Variants in INF2 observed in about 807,000 individuals in gnomAD.
INF2 encodes inverted formin 2.
Under a neutral mutation model 123.5 loss-of-function variants are expected in INF2, and 43 were observed. The observed-to-expected ratio is 0.35, with a 90% confidence interval of 0.27 to 0.45. The LOEUF is 0.45. INF2 is among the 20% of genes least tolerant of loss of function. INF2 has a pLI of 1.00. For missense variants in INF2, 1,453 were observed against 1,682.7 expected (o/e 0.86, Z 2.39); for synonymous variants, 851 against 745.0 (o/e 1.14, Z -2.32).
At chr14:104,713,152 T>A (rs1890131825) in intron 18 of INF2, 55 bp from the exon 19 acceptor site, 2 of 1,585,742 alleles carry the variant, frequency 1.3e-6, no homozygotes, top group South Asian at 1.1e-5. Flanking sequence ...CCCAGGCCCA[T>A]GGAGCCCCTG....
At chr14:104,701,801 C>T in intron 2 of INF2, 45 bp downstream of exon 2, 1 of 1,447,928 alleles carries the variant, frequency 6.9e-7, no homozygotes, top group Non-Finnish European at 9.1e-7. Context: ...CGCTGGGGAC[C>T]TGGTATGAGG....
chr14:104,706,070 A>T lies in INF2; in HGVS notation c.737A>T (p.Glu246Val). Residue 246 changes from glutamate to valine, a missense_variant, in exon 6 of 23, where the codon GAG becomes GTG. Around this residue, in one of 8 missense-constraint regions of INF2, gnomAD observed 251 missense variants for 349.4 expected, o/e 0.72. Coordinates refer to ENST00000392634, the MANE Select transcript of INF2 (RefSeq NM_022489.4). ...GATGCCGACCTGCTGATCCAGCTGG[A>T]GGCTTTCGAGGAGGCTAAGGCCGAG... ...LEDADLLIQL[E>V]AFEEAKAEDE... The T allele has an allele frequency of 6.2e-7, 1 of 1,612,532 alleles. No homozygotes were observed. Among genetic ancestry groups the T allele is most frequent in the Non-Finnish European group, 8.5e-7 (1 of 1,179,712 alleles).
chr14:104,703,825 G>A (rs1241691619), intron 4 of INF2, 91 bp from the exon 5 acceptor site: 1 of 1,601,620 alleles, frequency 6.2e-7, no homozygotes, highest in Non-Finnish European at 8.5e-7. Flanking sequence ...GAGTGCAGCA[G>A]GGCAGGGTCA....
At chr14:104,696,109 T>C (rs573496037) in intron 1 of INF2, among the ~76,000 whole-genome samples, 1 of 152,322 alleles carries the variant, frequency 6.6e-6, no homozygotes, top group South Asian at 2.1e-4. Flanking sequence ...TTCCCATCTT[T>C]GTCTTCTGAT....
intron 1 of INF2, among the ~76,000 whole-genome samples, chr14:104,683,365 A>G (rs4994392): frequency 0.16 from 16,020 of 102,556 alleles, 783 homozygotes; most frequent in East Asian, 0.26. Flanking sequence ...CCAAGAGCCT[A>G]GCTCCCCTGG....
intron 1 of INF2, among the ~76,000 whole-genome samples, chr14:104,695,426 AC>A (rs1298764059): frequency 6.6e-6 from 1 of 151,906 alleles, no homozygotes; most frequent in African/African-American, 2.4e-5. Context: ...TGCAGTGGAG[AC>A]ACTGTGGCCT....
intron 22 of INF2, chr14:104,715,756 T>C (rs1255013709): frequency 2.0e-6 from 1 of 495,466 alleles, no homozygotes; most frequent in Admixed American, 2.3e-5. Flanking sequence ...GTGGCTTTCC[T>C]GCTCTGTCTG....
chr14:104,682,482 A>G (rs1355888682), intron 1 of INF2, among the ~76,000 whole-genome samples: 1 of 152,294 alleles, frequency 6.6e-6, no homozygotes, highest in East Asian at 1.9e-4. Flanking sequence ...GGGCAGGGCC[A>G]GGAGGCGGGA....
At chr14:104,711,271 T>C (rs1310037016) in intron 15 of INF2, 85 bp downstream of exon 15, 7 of 1,160,312 alleles carry the variant, frequency 6.0e-6, no homozygotes, top group African/African-American at 1.5e-5. Context: ...CATACCCCCA[T>C]GCCCACCACT....
At chr14:104,687,658 C>T (rs769627190), upstream of INF2, among the ~76,000 whole-genome samples, 1 of 152,166 alleles carries the variant, frequency 6.6e-6, no homozygotes, top group South Asian at 2.1e-4. This position sits in a 1 kb window ranked among gnomAD's most constrained non-coding sequence, Gnocchi z 5.6. Flanking sequence ...CTCGGAAGCA[C>T]GACTGGGTGC....
rs760262811 is a variant in INF2 at position 104,707,915 on chromosome 14, T to C, written c.1648T>C (p.Trp550Arg). Reference protein sequence around the residue: ...AQVDHGLGSAWVPSHRRVNPP... With the variant: ...AQVDHGLGSARVPSHRRVNPP... ...GGTGGACCATGGCTTGGGCTCAGCA[T>C]GGGTCCCCAGCCATCGGCGGGTGAA... The change falls in exon 8 of 23, where the codon TGG becomes CGG. Residue 550 changes from tryptophan to arginine, a missense_variant. Around this residue, in one of 8 missense-constraint regions of INF2, gnomAD observed 192 missense variants for 274.4 expected, o/e 0.70. Transcript: ENST00000392634. 2.5e-6 allele frequency: 4 copies of C among 1,602,524 alleles called. No individual in the cohort carries two copies. The highest frequency in any genetic ancestry group is 2.7e-5 in the African/African-American group (2 of 74,778).
chr14:104,707,206 CCT>C, intron 7 of INF2, 45 bp from the exon 8 acceptor site: 2 of 1,565,090 alleles, frequency 1.3e-6, no homozygotes, highest in Non-Finnish European at 1.7e-6. Flanking sequence ...CCCATCCCTC[CCT>C]CTCCGGCTCC....
intron 5 of INF2, chr14:104,704,685 C>A (rs11538811): frequency 0.059 from 9,028 of 152,688 alleles, 336 homozygotes; most frequent in Non-Finnish European, 0.084. Flanking sequence ...AAAACCAGTC[C>A]CTGGTGCCAA....
At chr14:104,684,968 A>G (rs1467752828), upstream of INF2, 1 of 152,230 alleles carries the variant, frequency 6.6e-6, no homozygotes, top group Non-Finnish European at 1.5e-5. The surrounding 1 kb of genome is among the most constrained non-coding windows in gnomAD (Gnocchi z 5.0). Context: ...TGTCCAACAC[A>G]TGTATTTTCT....
At chr14:104,702,712 T>A (rs992946884) in intron 2 of INF2, among the ~76,000 whole-genome samples, 1 of 152,226 alleles carries the variant, frequency 6.6e-6, no homozygotes, top group Admixed American at 6.5e-5. Context: ...TGTGAATTGT[T>A]CTCAGCAGGG....
Position 104,708,183 on chromosome 14 carries a change from G to T in INF2, c.1735+181G>T, listed in dbSNP as rs1742395287. On this transcript the variant is annotated intron_variant, in intron 8 of 22. Coordinates refer to ENST00000392634, the MANE Select transcript of INF2 (RefSeq NM_022489.4). ...TGAGGTGGGGACGGGGGAGGAGCAG[G>T]GCAGGGGCTACCTCTGAGGACCCCC... 2.7e-5 allele frequency: 27 copies of T among 1,016,798 alleles called. 1 individual carries two copies. In the South Asian group the frequency reaches 3.9e-4, roughly 15 times the overall value. The allele number at this position is 1,016,798 out of a possible 1,614,324, so 63.0% of individuals were successfully genotyped here.
chr14:104,704,378 C>A, intron 5 of INF2: 1 of 258,942 alleles, frequency 3.9e-6, no homozygotes, highest in Non-Finnish European at 7.3e-6. Flanking sequence ...CAGTGTTCGT[C>A]GCTACTTGGT....
At chr14:104,711,932 C>T (rs1280146540) in intron 16 of INF2, among the ~76,000 whole-genome samples, 1 of 152,206 alleles carries the variant, frequency 6.6e-6, no homozygotes, top group Non-Finnish European at 1.5e-5. Flanking sequence ...AAGGGCTGGC[C>T]AGGTCAGGGT....
chr14:104,697,976 C>T (rs1341154707), intron 1 of INF2, among the ~76,000 whole-genome samples: 1 of 152,250 alleles, frequency 6.6e-6, no homozygotes, highest in Non-Finnish European at 1.5e-5. Flanking sequence ...GGGTACTGGG[C>T]CCTGCAGAGC....
Sources: gnomAD v4.1 joint callset for allele counts (sites outside exome capture counted in the v4.1 genomes callset) on GRCh38, gnomAD v4.1.1 for gene constraint, gnomAD v4.1.1 regional missense constraint, Gnocchi (gnomAD v3.1) non-coding constraint, MANE v1.5 for transcripts, NCBI Gene and HGNC (gene_info 2026-07-23, HGNC 2026-07-21) for gene names.